The following RGS6 variants were observed in gnomAD, a reference collection of about 807,000 sequenced individuals.
The protein encoded by RGS6 is regulator of G-protein signaling 6.
A neutral mutation model predicts 78.5 loss-of-function variants in RGS6; 30 were observed. The ratio of observed to expected loss-of-function variants is 0.38; its 90% confidence interval spans 0.29 to 0.52. RGS6 has a LOEUF of 0.52. Ranked by LOEUF, RGS6 falls within the 20% of genes least tolerant of loss-of-function variation. The pLI, the probability that RGS6 is intolerant of heterozygous loss-of-function variation, is 0.85. For missense variants in RGS6, 495 were observed against 609.7 expected (o/e 0.81, Z 1.98); for synonymous variants, 206 against 206.0 (o/e 1.00, Z 0.00).
At chr14:72,195,888 C>T (rs540936195) in intron 2 of RGS6, among the ~76,000 whole-genome samples, 20 of 152,240 alleles carry the variant, frequency 1.3e-4, no homozygotes, top group African/African-American at 2.2e-4. Context: ...GGGTACAGAT[C>T]GCAGAAGAGT....
chr14:72,425,702 G>A (rs1050263130), intron 3 of RGS6, among the ~76,000 whole-genome samples: 1 of 152,142 alleles, frequency 6.6e-6, no homozygotes, highest in African/African-American at 2.4e-5. Context: ...TTCAAAGGGA[G>A]GATAATTTGG....
At chr14:72,350,219 G>A (rs947454160) in intron 2 of RGS6, among the ~76,000 whole-genome samples, 9 of 152,144 alleles carry the variant, frequency 5.9e-5, no homozygotes, top group Admixed American at 2.6e-4. Context: ...CTCACTCTCA[G>A]TACTTCTTAG....
At chr14:72,073,071 G>A (rs2094461297) in intron 2 of RGS6, among the ~76,000 whole-genome samples, 1 of 152,212 alleles carries the variant, frequency 6.6e-6, no homozygotes, top group Admixed American at 6.5e-5. Context: ...GATTGGTGGG[G>A]TTCAAATCCT....
chr14:72,361,274 G>T (rs980287002), intron 3 of RGS6, among the ~76,000 whole-genome samples: 2 of 152,020 alleles, frequency 1.3e-5, no homozygotes, highest in Non-Finnish European at 2.9e-5. Flanking sequence ...GGACTTAATT[G>T]ATGTTATAGC....
chr14:72,055,136 T>C lies in RGS6; in HGVS notation c.84+90261T>C, dbSNP rs543279151. Among the ~76,000 whole-genome samples, 5 of 152,306 alleles carry C rather than the reference T, an allele frequency of 3.3e-5. No homozygotes were observed. In the South Asian group the frequency reaches 1.0e-3, roughly 32 times the overall value. On this transcript the variant is annotated intron_variant, in intron 2 of 17. Transcript: ENST00000553525. ...TGTGCCGAGGTTTCCCTTGTGTCTA[T>C]GCTTAGAGGAAGTACAGCAACCACT... is the stretch of plus-strand genomic sequence containing the variant.
chr14:71,975,580 T>C (rs536256655), intron 2 of RGS6, among the ~76,000 whole-genome samples: 51 of 152,180 alleles, frequency 3.4e-4, no homozygotes, highest in Non-Finnish European at 6.6e-4. Flanking sequence ...TGCCCCAACC[T>C]CCCGAGTAGC....
At chr14:71,876,000 G>C in the RGS6 span, among the ~76,000 whole-genome samples, 1 of 152,174 alleles carries the variant, frequency 6.6e-6, no homozygotes, top group African/African-American at 2.4e-5. Context: ...TTGCACTGTG[G>C]TCTGAGAGAC....
At chr14:72,299,235 A>C (rs547961081) in intron 2 of RGS6, among the ~76,000 whole-genome samples, 1 of 152,260 alleles carries the variant, frequency 6.6e-6, no homozygotes, top group Non-Finnish European at 1.5e-5. Flanking sequence ...CATTTTTATC[A>C]CCCTAACAAG....
intron 17 of RGS6, chr14:72,547,431 G>C (rs529700558): frequency 1.7e-5 from 17 of 1,026,894 alleles, no homozygotes; most frequent in Non-Finnish European, 2.5e-5. Context: ...AACAACAGGG[G>C]ATGCTTCCCC....
chr14:72,462,918 G>T (rs2095818035), intron 6 of RGS6, among the ~76,000 whole-genome samples: 1 of 152,318 alleles, frequency 6.6e-6, no homozygotes, highest in Non-Finnish European at 1.5e-5. Context: ...TGAGTTATAG[G>T]TTCCCTAGTT....
chr14:72,434,423 A>G (rs73294980), intron 3 of RGS6, among the ~76,000 whole-genome samples: 2,102 of 152,320 alleles, frequency 0.014, 26 homozygotes, highest in Middle Eastern at 0.037. Flanking sequence ...CTGAGCACCC[A>G]GGTCTGATGT....
At chr14:72,427,635 A>C (rs2094481755) in intron 3 of RGS6, among the ~76,000 whole-genome samples, 2 of 152,014 alleles carry the variant, frequency 1.3e-5, no homozygotes, top group African/African-American at 4.8e-5. Context: ...TCATCTCTCT[A>C]TTTTTGTTAA....
intron 2 of RGS6, among the ~76,000 whole-genome samples, chr14:72,132,967 C>T (rs976391875): frequency 1.3e-5 from 2 of 151,930 alleles, no homozygotes; most frequent in African/African-American, 2.4e-5. Context: ...GTTTAAATCA[C>T]GGTGGTTTAT....
At chr14:72,016,660 C>T (rs919090418) in intron 2 of RGS6, among the ~76,000 whole-genome samples, 3 of 152,148 alleles carry the variant, frequency 2.0e-5, no homozygotes, top group Admixed American at 6.5e-5. Context: ...CCACCGCGCC[C>T]GACTGTTCTT....
chr14:72,062,712 A>G (rs551103066), intron 2 of RGS6, among the ~76,000 whole-genome samples: 21 of 152,238 alleles, frequency 1.4e-4, no homozygotes, highest in African/African-American at 4.3e-4. Context: ...GAAGGTGGCC[A>G]TTGCATATTG....
At chr14:72,625,421 A>ATAT in the RGS6 span, among the ~76,000 whole-genome samples, 1,034 of 152,240 alleles carry the variant, frequency 6.8e-3, 13 homozygotes, top group African/African-American at 0.024. Context: ...ACGCATGAAA[A>ATAT]TATCCTTTCA....
intron 2 of RGS6, among the ~76,000 whole-genome samples, chr14:72,339,035 A>G (rs975145046): frequency 3.3e-5 from 5 of 152,256 alleles, no homozygotes; most frequent in Non-Finnish European, 5.9e-5. Flanking sequence ...GATAAAAAGT[A>G]GTTCATGGAT....
At chr14:72,216,448 G>A (rs142682813) in intron 2 of RGS6, among the ~76,000 whole-genome samples, 46 of 152,302 alleles carry the variant, frequency 3.0e-4, no homozygotes, top group Non-Finnish European at 4.9e-4. Context: ...GCACCAACAC[G>A]AGGAATTATC....
intron 17 of RGS6, among the ~76,000 whole-genome samples, chr14:72,545,465 G>C (rs1177922946): frequency 6.6e-6 from 1 of 152,108 alleles, no homozygotes; most frequent in South Asian, 2.1e-4. Context: ...CCCTCTCTGA[G>C]CCCTGGTTTT....
Sources: gnomAD v4.1 joint callset for allele counts (sites outside exome capture counted in the v4.1 genomes callset) on GRCh38, gnomAD v4.1.1 for gene constraint, MANE v1.5 for transcripts, NCBI Gene and HGNC (gene_info 2026-07-23, HGNC 2026-07-21) for gene names.